The following PCNX3 variants were observed in gnomAD, a reference collection of about 807,000 sequenced individuals.
PCNX3 encodes pecanex 3, also known as pecanex-like protein 3.
A neutral mutation model predicts 207.2 loss-of-function variants in PCNX3; 58 were observed. That is an observed-to-expected ratio of 0.28 (90% confidence interval 0.23 to 0.35). PCNX3 has a LOEUF of 0.35. Ranked by LOEUF, PCNX3 falls within the 10% of genes least tolerant of loss-of-function variation. The pLI is 1.00. For missense variants in PCNX3, 2,410 were observed against 2,774.4 expected, an observed-to-expected ratio of 0.87 and a Z score of 2.95; for synonymous variants, 1,337 against 1,183.5, an observed-to-expected ratio of 1.13 and a Z score of -2.66.
In PCNX3 at chr11:65,625,060, G is replaced by A. The variant is rs1163902253; in HGVS notation, c.2919+44G>A. ...GTGGGGGCATGCTGCAGTGCGTAAG[G>A]GTGGTTGGGGCGGGGCTGTGAACTG... On this transcript the variant is annotated intron_variant, in intron 16 of 34. Transcript: ENST00000355703. This position sits in a 1 kb window ranked among gnomAD's most constrained non-coding sequence, Gnocchi z 5.6. The A allele has an allele frequency of 6.3e-7, 1 of 1,588,612 alleles. No individual in the cohort carries two copies. The highest frequency in any genetic ancestry group is 8.6e-7 in the Non-Finnish European group (1 of 1,163,670).
chr11:65,619,205 GTGA>G (rs1299783238), intron 6 of PCNX3, 138 bp downstream of exon 6: 3 of 825,074 alleles, frequency 3.6e-6, no homozygotes, highest in Non-Finnish European at 5.6e-6. Flanking sequence ...GGGCCTGGTG[GTGA>G]TTGACATTGT....
At chr11:65,622,586 C>T (rs1329389273) in intron 11 of PCNX3, among the ~76,000 whole-genome samples, 2 of 152,058 alleles carry the variant, frequency 1.3e-5, no homozygotes, top group South Asian at 2.1e-4. Flanking sequence ...CTGTTTATTC[C>T]AAAGTCCTGC....
intron 27 of PCNX3, 56 bp from the exon 28 acceptor site, chr11:65,634,070 C>G (rs1419304822): frequency 3.4e-6 from 5 of 1,488,358 alleles, no homozygotes; most frequent in Non-Finnish European, 3.7e-6. Flanking sequence ...TCCATGCTTT[C>G]TCCTCCAGTG....
chr11:65,627,007 C>T lies in PCNX3; in HGVS notation c.3483C>T (p.Asp1161=), dbSNP rs756159695. 23 of 1,543,834 alleles carry T rather than the reference C, an allele frequency of 1.5e-5. No individual in the cohort carries two copies. Among genetic ancestry groups the T allele is most frequent in the East Asian group, 9.8e-5 (4 of 40,958 alleles). The change falls in exon 21 of 35, where the codon GAC becomes GAT. Residue 1161 remains aspartate (D), a synonymous_variant. Transcript: ENST00000355703. ...TGGTGCTCAACGCCCTCACGGTGGA[C>T]GCCCACACAGTCGTCAGCCACCCGG... ...PAVVLNALTV[D]AHTVVSHPDK...
chr11:65,620,357 C>T lies in PCNX3; in HGVS notation c.2027C>T (p.Thr676Ile), dbSNP rs1330126904. The T allele has an allele frequency of 1.2e-6, 2 of 1,613,468 alleles. No homozygotes were observed. The highest frequency in any genetic ancestry group is 1.3e-5 in the African/African-American group (1 of 74,922). ...GCCCCAGGTGTGCGGCGTTCCTACA[C>T]CTTTGGCCTGGCTGGAGGCGGCTAC... is the stretch of plus-strand genomic sequence containing the variant. ...YDESGVRRSYTFGLAGGGYEN... is the reference protein window; with the variant it reads ...YDESGVRRSYIFGLAGGGYEN... Residue 676 changes from threonine to isoleucine, a missense_variant, in exon 9 of 35, where the codon ACC becomes ATC. This residue lies in a region of PCNX3 where 1,104 missense variants were observed against 970.3 expected (regional missense o/e 1.14). Coordinates refer to ENST00000355703, the MANE Select transcript of PCNX3 (RefSeq NM_032223.4).
rs771900681 is a variant in PCNX3 at position 65,635,420 on chromosome 11, G to A, written c.5156G>A (p.Arg1719Gln). The A allele has an allele frequency of 1.4e-5, 22 of 1,611,466 alleles. No individual in the cohort carries two copies. Among genetic ancestry groups the A allele is most frequent in the Middle Eastern group, 1.6e-4 (1 of 6,082 alleles). ...SDEYKIIMLN[R>Q]RHLSFRVIKV... ...GAGTACAAGATCATCATGCTCAACC[G>A]GCGCCACCTCAGCTTCCGAGTCATC... Residue 1719 changes from arginine (R) to glutamine (Q), a missense_variant, in exon 31 of 35, where the codon CGG becomes CAG. Physicochemically the swap from Arg to Gln is conservative, Grantham distance 43. This residue lies in a region of PCNX3 where 420 missense variants were observed against 705.3 expected (regional missense o/e 0.60). Transcript: ENST00000355703. This position sits in a 1 kb window ranked among gnomAD's most constrained non-coding sequence, Gnocchi z 9.9.
In PCNX3 at chr11:65,625,397, AC is replaced by A; in HGVS notation, c.3030-3del. ...GGCGGCCTCCTCCTGACTCTTCCTC[AC>A]CCCCAGGTCTCTGATCCGGAGCAAG... On this transcript the variant is annotated splice_region_variant and splice_polypyrimidine_tract_variant and intron_variant, in intron 17 of 34. Coordinates refer to ENST00000355703, the MANE Select transcript of PCNX3 (RefSeq NM_032223.4). This position sits in a 1 kb window ranked among gnomAD's most constrained non-coding sequence, Gnocchi z 5.6. 1.9e-6 allele frequency: 3 copies of A among 1,598,280 alleles called. No individual in the cohort carries two copies.
chr11:65,636,113 T>C (rs1855821786), intron 32 of PCNX3, 61 bp from the exon 33 acceptor site: 3 of 1,550,842 alleles, frequency 1.9e-6, no homozygotes, highest in South Asian at 2.4e-5. Context: ...GACTCATGCT[T>C]GTGAGGCCTC....
In PCNX3 at chr11:65,619,087, G is replaced by A; in HGVS notation, c.1705+20G>A. On this transcript the variant is annotated intron_variant, in intron 6 of 34. Transcript: ENST00000355703. ...GGGGAGGTGAGTGCTTGCTCTAGAG[G>A]CAGGGGCTGGGGGACGTGAGCTACG... The A allele has an allele frequency of 6.4e-7, 1 of 1,568,872 alleles. No individual in the cohort carries two copies. The highest frequency in any genetic ancestry group is 1.1e-5 in the South Asian group (1 of 88,044).
rs368791137 is a variant in PCNX3 at position 65,627,077 on chromosome 11, C to T, written c.3524+29C>T. On this transcript the variant is annotated intron_variant, in intron 21 of 34. Transcript: ENST00000355703. ...AGGACCACCCCACCCTCAACGATCC[C>T]ATCATCCGCTTTCCCTTTTGATCCG... The T allele has an allele frequency of 5.5e-6, 8 of 1,466,822 alleles. No homozygotes were observed. The African/African-American group carries it at 8.6e-5, about 16-fold the overall frequency. The allele number at this position is 1,466,822 out of a possible 1,614,324, so 90.9% of individuals were successfully genotyped here.
rs1160827453 is a variant in PCNX3, at chr11:65,620,912, G to A, written c.2181G>A (p.Arg727=). The change falls in exon 10 of 35, where the codon AGG becomes AGA. Residue 727 remains arginine, a synonymous_variant. Coordinates refer to ENST00000355703, the MANE Select transcript of PCNX3 (RefSeq NM_032223.4). The part of the protein sequence containing the change: ...ATGGLNLLQP[R]PVVLQGMQVR... ...GCGGCCTGAACCTGCTGCAGCCGAG[G>A]CCTGTGGTTCTGCAGGGCATGCAGG... The A allele has an allele frequency of 3.8e-6, 6 of 1,563,764 alleles. No individual in the cohort carries two copies. Among genetic ancestry groups the A allele is most frequent in the Non-Finnish European group, 4.3e-6 (5 of 1,154,890 alleles).
In PCNX3 at chr11:65,627,486, G is replaced by T. The variant is rs750203684; in HGVS notation, c.3606G>T (p.Thr1202=). The T allele has an allele frequency of 1.6e-5, 26 of 1,613,758 alleles. No homozygotes were observed. The highest frequency in any genetic ancestry group is 2.2e-5 in the Non-Finnish European group (26 of 1,179,866). The change falls in exon 22 of 35, where the codon ACG becomes ACT. Residue 1202 remains threonine, a synonymous_variant. Transcript: ENST00000355703. ...AFCCPPQQYL[T]LAFTVLLFHF... ...GCTGCCCCCCACAGCAGTACCTGAC[G>T]TTGGCCTTCACCGTCCTGCTCTTCC...
In PCNX3 at chr11:65,635,651, C is replaced by T; in HGVS notation, c.5307C>T (p.Ile1769=). The T allele has an allele frequency of 6.2e-7, 1 of 1,612,734 alleles. No homozygotes were observed. The highest frequency in any genetic ancestry group is 8.5e-7 in the Non-Finnish European group (1 of 1,179,682). Residue 1769 remains isoleucine, a synonymous_variant, in exon 32 of 35, where the codon ATC becomes ATT. Transcript: ENST00000355703. This position sits in a 1 kb window ranked among gnomAD's most constrained non-coding sequence, Gnocchi z 9.9. The part of the protein sequence containing the change: ...QNAKQALRNM[I]NSSCDQPLGY... ...CCAAGCAGGCGCTTCGCAACATGAT[C>T]AACTCCTCCTGTGACCAGCCGCTGG...
Position 65,626,935 on chromosome 11 carries a change from G to T in PCNX3, c.3411G>T (p.Leu1137=). Reference sequence around the variant, plus strand: ...CCCAGGTGATGTGGTTTGAGAAGCTGTATGCTGGCCTGCAGTGCGTAGAGA... The same window carrying T: ...CCCAGGTGATGTGGTTTGAGAAGCTTTATGCTGGCCTGCAGTGCGTAGAGA... ...GAAQVMWFEK[L]YAGLQCVEKY... is the part of the protein sequence containing the mutation. Residue 1137 remains leucine (L), a synonymous_variant, in exon 21 of 35, where the codon CTG becomes CTT. Transcript: ENST00000355703. The T allele has an allele frequency of 6.3e-7, 1 of 1,584,710 alleles. No individual in the cohort carries two copies.
intron 1 of PCNX3, 62 bp from the exon 2 acceptor site, chr11:65,616,762 G>T (rs1024082275): frequency 2.6e-6 from 4 of 1,530,458 alleles, no homozygotes; most frequent in Non-Finnish European, 1.8e-6. Context: ...GATGTTGATG[G>T]CAGGTACATC....
chr11:65,616,705 G>A, intron 1 of PCNX3, 119 bp from the exon 2 acceptor site: 5 of 1,166,274 alleles, frequency 4.3e-6, no homozygotes, highest in African/African-American at 1.5e-5. Flanking sequence ...TACTGGTTGT[G>A]TGGAGAGGTG....
At chr11:65,633,527 G>C (rs1440292304) in intron 27 of PCNX3, among the ~76,000 whole-genome samples, 1 of 152,154 alleles carries the variant, frequency 6.6e-6, no homozygotes, top group East Asian at 1.9e-4. Context: ...AGTCTGTTCT[G>C]CCCCACTCGC....
chr11:65,633,160 C>T (rs376718858), intron 27 of PCNX3, among the ~76,000 whole-genome samples: 18 of 152,202 alleles, frequency 1.2e-4, no homozygotes, highest in African/African-American at 3.9e-4. Flanking sequence ...GGGCCTGCCC[C>T]ATTAGCTCCA....
At position 65,634,341 on chromosome 11, in the gene PCNX3, C is replaced by T; in HGVS notation, c.4686C>T (p.Ala1562=). ...ACCTCGAGTGGATCCAGTACTGCGC[C>T]TCCCGGCGCAGCCAGGTCAGGCTCC... is the stretch of plus-strand genomic sequence containing the variant. ...AVHLEWIQYC[A]SRRSQPVDQD... The change falls in exon 28 of 35, where the codon GCC becomes GCT. Residue 1562 remains alanine, a synonymous_variant. Transcript: ENST00000355703. 1 of 1,590,608 alleles carries T rather than the reference C, an allele frequency of 6.3e-7. No individual in the cohort carries two copies. The highest frequency in any genetic ancestry group is 1.3e-5 in the African/African-American group (1 of 74,584).
Sources: gnomAD v4.1 joint callset for allele counts (sites outside exome capture counted in the v4.1 genomes callset) on GRCh38, gnomAD v4.1.1 for gene constraint, gnomAD v4.1.1 regional missense constraint, Gnocchi (gnomAD v3.1) non-coding constraint, MANE v1.5 for transcripts, NCBI Gene and HGNC (gene_info 2026-07-23, HGNC 2026-07-21) for gene names.